Variants in MYO5A observed in about 807,000 individuals in gnomAD.
MYO5A encodes myosin VA.
MYO5A carries 98 observed loss-of-function variants against 249.7 expected under a neutral mutation model. The ratio of observed to expected loss-of-function variants is 0.39; its 90% CI spans 0.33 to 0.46. The LOEUF (loss-of-function observed/expected upper bound fraction) is 0.46, where lower values mean the gene tolerates loss of function less well. MYO5A is among the 20% of genes least tolerant of loss of function. The pLI is 0.98. For synonymous variants in MYO5A, 778 were observed against 810.6 expected, an observed-to-expected ratio of 0.96 and a Z score of 0.68; for missense variants, 1,696 against 2,308.8, an observed-to-expected ratio of 0.73 and a Z score of 5.44.
intron 30 of MYO5A, 82 bp from the exon 31 acceptor site, chr15:52,343,279 C>A: frequency 9.0e-7 from 1 of 1,112,644 alleles, no homozygotes; most frequent in Non-Finnish European, 1.4e-6. Flanking sequence ...CAGCAGCATG[C>A]AGTATTTCAA....
intron 1 of MYO5A, among the ~76,000 whole-genome samples, chr15:52,481,509 G>A (rs560354034): frequency 6.6e-6 from 1 of 152,274 alleles, no homozygotes; most frequent in South Asian, 2.1e-4. Context: ...GACACACAAA[G>A]TTCTGTGATG....
intron 4 of MYO5A, among the ~76,000 whole-genome samples, chr15:52,418,924 A>G (rs985186043): frequency 1.3e-5 from 2 of 152,180 alleles, no homozygotes; most frequent in African/African-American, 4.8e-5. Context: ...TTACCCTTTA[A>G]AATATGTAAT....
intron 1 of MYO5A, among the ~76,000 whole-genome samples, chr15:52,451,862 T>C (rs1282657676): frequency 6.6e-6 from 1 of 152,242 alleles, no homozygotes; most frequent in East Asian, 1.9e-4. Context: ...CAGATAACCC[T>C]GTACTTTTTC....
intron 24 of MYO5A, among the ~76,000 whole-genome samples, chr15:52,360,615 T>C (rs904635228): frequency 2.6e-5 from 4 of 152,142 alleles, no homozygotes; most frequent in African/African-American, 9.7e-5. Context: ...GAGTGAGCAG[T>C]GGGCAGGATG....
At chr15:52,394,603 G>C (rs566211309) in intron 11 of MYO5A, among the ~76,000 whole-genome samples, 1 of 152,316 alleles carries the variant, frequency 6.6e-6, no homozygotes, top group South Asian at 2.1e-4. Flanking sequence ...TATGTGAAGA[G>C]AGAAGGAGAA....
chr15:52,528,848 C>G lies in MYO5A; in HGVS notation c.-42G>C, dbSNP rs1213150403. The stretch of plus-strand genomic sequence containing the variant: ...CTACGCCCCCCGCCTGTGCGGAGGC[C>G]GCACCTCGCCTGGGCGGCCGCCCGA... On this transcript the variant is annotated 5_prime_UTR_variant, in exon 1 of 42. Coordinates refer to ENST00000399233, the MANE Select transcript of MYO5A (RefSeq NM_001382347.1). The G allele has an allele frequency of 1.2e-5, 18 of 1,448,490 alleles. No homozygotes were observed. The highest frequency in any genetic ancestry group is 1.5e-5 in the Non-Finnish European group (17 of 1,104,298). The allele number at this position is 1,448,490 out of a possible 1,614,324, so 89.7% of individuals were successfully genotyped here.
chr15:52,445,909 G>T (rs1463062314), intron 1 of MYO5A, among the ~76,000 whole-genome samples: 1 of 152,202 alleles, frequency 6.6e-6, no homozygotes, highest in Non-Finnish European at 1.5e-5. Context: ...TCAGGTACAG[G>T]AGCAAAGAAG....
chr15:52,350,212 G>A (rs1181335212), intron 28 of MYO5A, among the ~76,000 whole-genome samples: 5 of 152,190 alleles, frequency 3.3e-5, no homozygotes, highest in Non-Finnish European at 4.4e-5. Context: ...GATTACAGGC[G>A]TGAGCCACCA....
intron 3 of MYO5A, 138 bp from the exon 4 acceptor site, chr15:52,426,112 C>T: frequency 1.2e-6 from 1 of 800,362 alleles, no homozygotes; most frequent in Non-Finnish European, 2.0e-6. Flanking sequence ...ATAAATTGTT[C>T]AAGGATCAAA....
chr15:52,486,474 T>A (rs2141516664), intron 1 of MYO5A, among the ~76,000 whole-genome samples: 1 of 152,340 alleles, frequency 6.6e-6, no homozygotes, highest in East Asian at 1.9e-4. Flanking sequence ...TCAGCTCAAA[T>A]GTTACCTTCT....
At chr15:52,509,353 G>T (rs1196189126) in intron 1 of MYO5A, among the ~76,000 whole-genome samples, 1 of 152,122 alleles carries the variant, frequency 6.6e-6, no homozygotes. Context: ...TATAAGAAAG[G>T]ATCTTCCTAC....
At chr15:52,485,908 CTTA>C (rs2076810641) in intron 1 of MYO5A, among the ~76,000 whole-genome samples, 1 of 152,150 alleles carries the variant, frequency 6.6e-6, no homozygotes. Flanking sequence ...TTAGGCGAAT[CTTA>C]GGATTTCAAG....
intron 30 of MYO5A, among the ~76,000 whole-genome samples, chr15:52,345,614 G>A (rs4774619): frequency 6.6e-6 from 1 of 150,988 alleles, no homozygotes; most frequent in Non-Finnish European, 1.5e-5. Context: ...ATAAAGAAAA[G>A]AAATAAGAAA....
intron 15 of MYO5A, among the ~76,000 whole-genome samples, chr15:52,383,854 C>T (rs1596382401): frequency 2.0e-5 from 3 of 152,218 alleles, no homozygotes; most frequent in Admixed American, 1.3e-4. Context: ...AGGAGCTGAC[C>T]GAGGCACTGT....
At chr15:52,497,634 G>A (rs1384401966) in intron 1 of MYO5A, among the ~76,000 whole-genome samples, 3 of 150,658 alleles carry the variant, frequency 2.0e-5, no homozygotes, top group Non-Finnish European at 3.0e-5. Context: ...GTGTGCACCT[G>A]TAGTCCCAGC....
At chr15:52,473,749 A>G (rs1403281529) in intron 1 of MYO5A, among the ~76,000 whole-genome samples, 2 of 152,148 alleles carry the variant, frequency 1.3e-5, no homozygotes, top group African/African-American at 2.4e-5. Context: ...CCATTGGTCT[A>G]TATCTCTGTT....
At chr15:52,392,181 C>T (rs2042268972) in intron 11 of MYO5A, 111 bp from the exon 12 acceptor site, 2 of 1,060,578 alleles carry the variant, frequency 1.9e-6, no homozygotes, top group East Asian at 5.1e-5. Flanking sequence ...ACAACAACAA[C>T]CTCACGGGAG....
chr15:52,357,458 A>C (rs945410872), intron 25 of MYO5A, among the ~76,000 whole-genome samples: 11 of 151,384 alleles, frequency 7.3e-5, no homozygotes, highest in African/African-American at 2.7e-4. Flanking sequence ...CTAGCAAAAA[A>C]AAAAAAAAAA....
intron 1 of MYO5A, among the ~76,000 whole-genome samples, chr15:52,473,241 G>C (rs2076515543): frequency 6.6e-6 from 1 of 152,160 alleles, no homozygotes; most frequent in Non-Finnish European, 1.5e-5. Flanking sequence ...TGATGGGGCT[G>C]TTTGATTTTT....
Sources: gnomAD v4.1 joint callset for allele counts (sites outside exome capture counted in the v4.1 genomes callset) on GRCh38, gnomAD v4.1.1 for gene constraint, MANE v1.5 for transcripts, NCBI Gene and HGNC (gene_info 2026-07-23, HGNC 2026-07-21) for gene names.